Variants in SRBD1 observed in about 807,000 individuals in gnomAD.
The protein encoded by SRBD1 is S1 RNA-binding domain-containing protein 1.
In SRBD1, 88 loss-of-function variants were observed where a neutral mutation model predicts 115.3. The observed-to-expected ratio is 0.76, with a 90% CI of 0.64 to 0.91. SRBD1 has a LOEUF of 0.91. Ranked by LOEUF, SRBD1 falls within the 40% of genes least tolerant of loss-of-function variation. The pLI, the probability that SRBD1 is intolerant of heterozygous loss-of-function variation, is 0.00. For synonymous variants in SRBD1, 509 were observed against 407.7 expected, an observed-to-expected ratio of 1.25 and a Z score of -2.99; for missense variants, 1,385 against 1,177.4, an observed-to-expected ratio of 1.18 and a Z score of -2.58.
At chr2:45,579,824 TAA>T (rs374392017) in intron 7 of SRBD1, 49 bp downstream of exon 7, 11,140 of 1,279,748 alleles carry the variant, frequency 8.7e-3, no homozygotes, top group South Asian at 0.021. Context: ...GTTTTTAAAT[TAA>T]AAAAAAAAAA....
chr2:45,433,786 C>T (rs1668409259), intron 16 of SRBD1, among the ~76,000 whole-genome samples: 1 of 152,162 alleles, frequency 6.6e-6, no homozygotes, highest in Non-Finnish European at 1.5e-5. Context: ...GTACATAGAA[C>T]AAATAATATT....
intron 9 of SRBD1, among the ~76,000 whole-genome samples, chr2:45,568,521 T>G (rs949782005): frequency 6.6e-6 from 1 of 152,174 alleles, no homozygotes; most frequent in African/African-American, 2.4e-5. Flanking sequence ...AAAACAGCAG[T>G]GCTGTTTTTC....
At chr2:45,443,499 C>A (rs903142067) in intron 16 of SRBD1, among the ~76,000 whole-genome samples, 25 of 151,828 alleles carry the variant, frequency 1.6e-4, no homozygotes, top group African/African-American at 5.1e-4. Context: ...TTTTTCTAGA[C>A]ATGTTAAGTT....
intron 2 of SRBD1, among the ~76,000 whole-genome samples, chr2:45,604,669 A>G (rs1320434237): frequency 6.6e-6 from 1 of 152,112 alleles, no homozygotes; most frequent in African/African-American, 2.4e-5. Flanking sequence ...AGATCTTTGC[A>G]AGCTGCACCC....
chr2:45,417,023 C>T (rs779595793), intron 18 of SRBD1, among the ~76,000 whole-genome samples: 4 of 152,144 alleles, frequency 2.6e-5, no homozygotes, highest in Non-Finnish European at 5.9e-5. Context: ...AGGTGAACGA[C>T]GGCTCCTGGC....
intron 14 of SRBD1, among the ~76,000 whole-genome samples, chr2:45,542,645 AGTTAAACAT>A (rs370690365): frequency 6.6e-6 from 1 of 152,224 alleles, no homozygotes; most frequent in African/African-American, 2.4e-5. Context: ...CAGTTTCTTA[AGTTAAACAT>A]GTACCGTATA....
intron 16 of SRBD1, among the ~76,000 whole-genome samples, chr2:45,422,804 G>T (rs1442403804): frequency 2.0e-5 from 3 of 152,290 alleles, no homozygotes; most frequent in African/African-American, 7.2e-5. Context: ...TTTTCAGAAA[G>T]AATGTTATTG....
At chr2:45,429,112 C>T (rs1309458530) in intron 16 of SRBD1, among the ~76,000 whole-genome samples, 2 of 152,080 alleles carry the variant, frequency 1.3e-5, no homozygotes, top group African/African-American at 4.8e-5. Flanking sequence ...AGTCGAATCC[C>T]TGAATAGACC....
chr2:45,393,015 T>C lies in SRBD1; in HGVS notation c.2628A>G (p.Gln876=), dbSNP rs779980449. ...TGACCTGTAAGGTGTGTACTGTTGTTTGCAATCTTTCTGCAATTTTCTCCA... is the reference window on the plus strand; with the variant it reads ...TGACCTGTAAGGTGTGTACTGTTGTCTGCAATCTTTCTGCAATTTTCTCCA... ...EGMEKIAERL[Q]TTVHTLQVII... is the part of the protein sequence containing the mutation. The change falls in exon 20 of 21, where the codon CAA becomes CAG. Residue 876 remains glutamine (Q), a synonymous_variant. Coordinates refer to ENST00000263736, the MANE Select transcript of SRBD1 (RefSeq NM_018079.5). 1.2e-5 allele frequency: 20 copies of C among 1,613,972 alleles called. No individual in the cohort carries two copies. The African/African-American group carries it at 1.6e-4, about 13-fold the overall frequency.
chr2:45,441,658 G>A (rs535480926), intron 16 of SRBD1, among the ~76,000 whole-genome samples: 10 of 152,282 alleles, frequency 6.6e-5, no homozygotes, highest in East Asian at 1.9e-4. Flanking sequence ...CTAACAGTTC[G>A]GCTTTTGGAT....
intron 14 of SRBD1, among the ~76,000 whole-genome samples, chr2:45,489,090 T>C (rs1670212484): frequency 1.3e-5 from 2 of 152,186 alleles, no homozygotes; most frequent in African/African-American, 4.8e-5. Context: ...ACAGCTGACA[T>C]TTGTATGGGG....
intron 9 of SRBD1, among the ~76,000 whole-genome samples, chr2:45,567,106 A>G (rs1231640318): frequency 6.6e-6 from 1 of 152,152 alleles, no homozygotes; most frequent in Non-Finnish European, 1.5e-5. Flanking sequence ...AAATTTCTCA[A>G]TTTGTGCTTC....
intron 14 of SRBD1, among the ~76,000 whole-genome samples, chr2:45,516,755 C>A (rs1056140576): frequency 6.6e-6 from 1 of 152,120 alleles, no homozygotes; most frequent in African/African-American, 2.4e-5. Context: ...AAGCTAAGTA[C>A]CCTCACCATA....
chr2:45,461,860 T>C (rs982915545), intron 16 of SRBD1, among the ~76,000 whole-genome samples: 3 of 152,190 alleles, frequency 2.0e-5, no homozygotes, highest in Non-Finnish European at 4.4e-5. Flanking sequence ...TCTTCTGAGA[T>C]AGATGTGGGA....
At chr2:45,585,369 C>T (rs1158291848) in intron 5 of SRBD1, among the ~76,000 whole-genome samples, 1 of 152,184 alleles carries the variant, frequency 6.6e-6, no homozygotes, top group African/African-American at 2.4e-5. Flanking sequence ...GACAGTCAAA[C>T]TCTGAGGCAC....
chr2:45,504,191 C>T lies in SRBD1; in HGVS notation c.1875-15860G>A, dbSNP rs369146369. 9.3e-5 allele frequency among the ~76,000 whole-genome samples: 14 copies of T among 151,230 alleles called. 1 individual carries two copies. The East Asian group carries it at 9.7e-4, about 10-fold the overall frequency. On this transcript the variant is annotated intron_variant, in intron 14 of 20. Transcript: ENST00000263736. ...TATCTACTAGTCTTCACAAATTACCCTATAAGTTACAAGCCTGTTGGCCAA... is the reference window on the plus strand; with the variant it reads ...TATCTACTAGTCTTCACAAATTACCTTATAAGTTACAAGCCTGTTGGCCAA...
At chr2:45,590,122 A>G (rs768612478) in intron 4 of SRBD1, among the ~76,000 whole-genome samples, 1 of 152,278 alleles carries the variant, frequency 6.6e-6, no homozygotes, top group Non-Finnish European at 1.5e-5. Flanking sequence ...TAAATCGCTA[A>G]AAGTTCAGTA....
chr2:45,537,077 T>C (rs1671785226), intron 14 of SRBD1, among the ~76,000 whole-genome samples: 1 of 152,202 alleles, frequency 6.6e-6, no homozygotes, highest in African/African-American at 2.4e-5. Flanking sequence ...ACGCACTAAA[T>C]GGACTTCACA....
intron 5 of SRBD1, among the ~76,000 whole-genome samples, chr2:45,582,823 G>A (rs1439432775): frequency 6.6e-6 from 1 of 152,076 alleles, no homozygotes. Context: ...CAAGGTATAG[G>A]TACTAGATAT....
Sources: allele counts gnomAD v4.1 joint callset (sites outside exome capture counted in the v4.1 genomes callset), GRCh38; gene constraint gnomAD v4.1.1; transcripts MANE v1.5; gene names NCBI Gene and HGNC (gene_info 2026-07-23, HGNC 2026-07-21).